The following AP1B1 variants were observed in gnomAD, a reference collection of about 807,000 sequenced individuals.
AP1B1 encodes adaptor related protein complex 1 subunit beta 1, also known as AP-1 complex subunit beta-1.
In AP1B1, 36 loss-of-function variants were observed where a neutral mutation model predicts 104.3. That is an observed-to-expected ratio of 0.35 (90% CI 0.26 to 0.46). The LOEUF is 0.46. Ranked by LOEUF, AP1B1 falls within the 20% of genes least tolerant of loss-of-function variation. AP1B1 has a pLI of 1.00. For synonymous variants in AP1B1, 504 were observed against 517.5 expected (o/e 0.97, Z 0.35); for missense variants, 901 against 1,247.9 (o/e 0.72, Z 4.19).
chr22:29,385,110 T>C (rs946461290), intron 1 of AP1B1, among the ~76,000 whole-genome samples: 1 of 150,522 alleles, frequency 6.6e-6, no homozygotes, highest in Non-Finnish European at 1.5e-5. Context: ...GGAGGCCAGG[T>C]GTGGTGGCTC....
intron 7 of AP1B1, among the ~76,000 whole-genome samples, chr22:29,352,851 C>T (rs1184903317): frequency 6.6e-6 from 1 of 152,158 alleles, no homozygotes; most frequent in African/African-American, 2.4e-5. Flanking sequence ...GGGACCCCAA[C>T]ATGGACACCG....
At chr22:29,376,471 C>T (rs2062343179) in intron 1 of AP1B1, among the ~76,000 whole-genome samples, 1 of 152,196 alleles carries the variant, frequency 6.6e-6, no homozygotes, top group South Asian at 2.1e-4. Flanking sequence ...AGTTGCATCT[C>T]TATCTCTGAA....
chr22:29,341,701 C>G lies in AP1B1; in HGVS notation c.1596G>C (p.Thr532=). The G allele has an allele frequency of 1.9e-6, 3 of 1,614,070 alleles. No homozygotes were observed. Among genetic ancestry groups the G allele is most frequent in the Middle Eastern group, 3.3e-4 (2 of 6,060 alleles). The part of the protein sequence containing the change: ...RGYIYWRLLS[T]DPVAAKEVVL... Reference sequence around the variant, plus strand: ...CCACCTCCTTGGCTGCCACCGGGTCCGTGGACAGCAGGCGCCAGTAGATGT... The same window carrying G: ...CCACCTCCTTGGCTGCCACCGGGTCGGTGGACAGCAGGCGCCAGTAGATGT... The change falls in exon 13 of 23, where the codon ACG becomes ACC. Residue 532 remains threonine (T), a synonymous_variant. Coordinates refer to ENST00000357586, the MANE Select transcript of AP1B1 (RefSeq NM_001127.4).
chr22:29,358,299 G>A (rs2061991052), intron 5 of AP1B1, among the ~76,000 whole-genome samples: 1 of 152,204 alleles, frequency 6.6e-6, no homozygotes, highest in South Asian at 2.1e-4. Flanking sequence ...AAAGATGGGG[G>A]AAGGGAAAAG....
Position 29,334,277 on chromosome 22 carries a change from A to G in AP1B1, c.2297T>C (p.Phe766Ser). ...AGGGAGCTCTCACCTGTTGCGGTTGAACTGGATGGCAAAGTCGGTCATGAC... is the reference window on the plus strand; with the variant it reads ...AGGGAGCTCTCACCTGTTGCGGTTGGACTGGATGGCAAAGTCGGTCATGAC... ...LQVMTDFAIQ[F>S]NRNSFGLAPA... The change falls in exon 17 of 23, where the codon TTC (phenylalanine) becomes TCC (serine). Residue 766 changes from phenylalanine to serine, a missense_variant. Phe to Ser is a radical substitution (Grantham distance 155). Transcript: ENST00000357586. 6.2e-7 allele frequency: 1 copy of G among 1,600,578 alleles called. No individual in the cohort carries two copies. Among genetic ancestry groups the G allele is most frequent in the Non-Finnish European group, 8.5e-7 (1 of 1,174,892 alleles).
chr22:29,375,883 C>G (rs1227515946), intron 1 of AP1B1, among the ~76,000 whole-genome samples: 1 of 152,204 alleles, frequency 6.6e-6, no homozygotes, highest in Non-Finnish European at 1.5e-5. Flanking sequence ...TTTCACTATG[C>G]CTACCTCTCC....
intron 1 of AP1B1, among the ~76,000 whole-genome samples, chr22:29,368,915 G>C (rs2062186262): frequency 6.6e-6 from 1 of 151,704 alleles, no homozygotes; most frequent in Admixed American, 6.6e-5. Context: ...GACAGAGCAA[G>C]ACTCTGTCTC....
rs754456794 is a variant in AP1B1, at chr22:29,330,476, C to T, written c.2668G>A (p.Val890Met). 9.3e-6 allele frequency: 15 copies of T among 1,613,512 alleles called. No homozygotes were observed. The highest frequency in any genetic ancestry group is 1.6e-4 in the Middle Eastern group (1 of 6,080). Residue 890 changes from valine (V) to methionine (M), a missense_variant, in exon 21 of 23, where the codon GTG (valine) becomes ATG (methionine). Physicochemically the swap from Val to Met is conservative, Grantham distance 21. Around this residue, in one of 3 missense-constraint regions of AP1B1, gnomAD observed 424 missense variants for 494.0 expected, o/e 0.86. Coordinates refer to ENST00000357586, the MANE Select transcript of AP1B1 (RefSeq NM_001127.4). Reference protein sequence around the residue: ...SNIFTVAKRNVEGQDMLYQSL... With the variant: ...SNIFTVAKRNMEGQDMLYQSL... ...TGGTAGAGCATGTCCTGGCCCTCCA[C>T]GTTCCTCTTGGCGACAGTGAAGATG... is the stretch of plus-strand genomic sequence containing the variant.
At chr22:29,346,058 C>T (rs1023990550) in intron 11 of AP1B1, among the ~76,000 whole-genome samples, 2 of 151,950 alleles carry the variant, frequency 1.3e-5, no homozygotes, top group African/African-American at 4.8e-5. Context: ...TACTGAATTA[C>T]ATCACACCCC....
At chr22:29,363,625 C>A (rs544629033) in intron 2 of AP1B1, among the ~76,000 whole-genome samples, 3 of 149,840 alleles carry the variant, frequency 2.0e-5, no homozygotes, top group Non-Finnish European at 3.0e-5. Flanking sequence ...TCCAGCCTGG[C>A]GACAGGGCCA....
At chr22:29,353,396 C>A in intron 7 of AP1B1, among the ~76,000 whole-genome samples, 1 of 152,082 alleles carries the variant, frequency 6.6e-6, no homozygotes, top group East Asian at 1.9e-4. Context: ...CATCTCAGGA[C>A]CAGGGCAGGG....
rs1259301037 is a variant in AP1B1, at chr22:29,356,635, G to C, written c.526-19C>G. ...CCACCACCTGGTTGAGAGGGTGGGA[G>C]GGGCAGAGGCTGGGGGTGCTGCTCA... On this transcript the variant is annotated intron_variant, in intron 5 of 22. Transcript: ENST00000357586. 1.2e-6 allele frequency: 2 copies of C among 1,611,792 alleles called. No homozygotes were observed. Among genetic ancestry groups the C allele is most frequent in the African/African-American group, 2.7e-5 (2 of 74,914 alleles).
At chr22:29,377,667 A>C (rs2062367326) in intron 1 of AP1B1, among the ~76,000 whole-genome samples, 1 of 151,950 alleles carries the variant, frequency 6.6e-6, no homozygotes, top group South Asian at 2.1e-4. Context: ...AAAATTAGCC[A>C]GGCATGGTGG....
At chr22:29,340,104 C>T (rs1439699009) in intron 14 of AP1B1, among the ~76,000 whole-genome samples, 1 of 152,128 alleles carries the variant, frequency 6.6e-6, no homozygotes, top group Non-Finnish European at 1.5e-5. Flanking sequence ...GTTTAGGCGC[C>T]CCCACACATG....
intron 10 of AP1B1, 22 bp downstream of exon 10, chr22:29,350,013 C>A (rs373142742): frequency 8.2e-6 from 13 of 1,589,368 alleles, no homozygotes; most frequent in Non-Finnish European, 1.1e-5. Context: ...GATGCCCTCT[C>A]CCTAGGAGGG....
chr22:29,354,882 T>C lies in AP1B1; in HGVS notation c.717-11A>G. The C allele has an allele frequency of 6.2e-7, 1 of 1,611,402 alleles. No individual in the cohort carries two copies. On this transcript the variant is annotated splice_polypyrimidine_tract_variant and intron_variant, in intron 6 of 22. Transcript: ENST00000357586. ...ACCCGCTCACAGATGCTGGGGTCCG[T>C]CCATTCCAACGGGGCAAACAGGAAA...
intron 11 of AP1B1, among the ~76,000 whole-genome samples, chr22:29,348,642 T>G (rs1246335729): frequency 6.6e-6 from 1 of 152,204 alleles, no homozygotes; most frequent in East Asian, 1.9e-4. Flanking sequence ...GAAACTAAAC[T>G]CTATATTTCT....
Position 29,338,982 on chromosome 22 carries a change from T to G in AP1B1, c.2163+8A>C, listed in dbSNP as rs2061675285. On this transcript the variant is annotated splice_region_variant and intron_variant, in intron 16 of 22. Coordinates refer to ENST00000357586, the MANE Select transcript of AP1B1 (RefSeq NM_001127.4). ...TGCTCCCGCCAAGACAGAAGACAAG[T>G]GACTTACTGCTTTGGGGGCCACATA... 1.9e-6 allele frequency: 3 copies of G among 1,613,406 alleles called. No individual in the cohort carries two copies. The highest frequency in any genetic ancestry group is 2.5e-6 in the Non-Finnish European group (3 of 1,179,698).
At chr22:29,367,333 G>A (rs2062159403) in intron 1 of AP1B1, 63 bp from the exon 2 acceptor site, 2 of 671,456 alleles carry the variant, frequency 3.0e-6, no homozygotes, top group Non-Finnish European at 4.9e-6. Context: ...CAGTTATGGT[G>A]CAGAGGGAGG....
Sources: allele counts gnomAD v4.1 joint callset (sites outside exome capture counted in the v4.1 genomes callset), GRCh38; gene constraint gnomAD v4.1.1; regional missense constraint gnomAD v4.1.1; transcripts MANE v1.5; gene names NCBI Gene and HGNC (gene_info 2026-07-23, HGNC 2026-07-21).